The following PARPBP variants were observed in gnomAD, a reference collection of about 807,000 sequenced individuals.
PARPBP encodes the protein PARP1 binding protein, also known as PCNA-interacting partner.
A neutral mutation model predicts 50.0 loss-of-function variants in PARPBP; 52 were observed. The ratio of observed to expected loss-of-function variants is 1.04; its 90% confidence interval spans 0.83 to 1.31. The LOEUF is 1.31. PARPBP is among the 50% of genes most tolerant of loss of function. The pLI is 0.00. For synonymous variants in PARPBP, 244 were observed against 232.1 expected (o/e 1.05, Z -0.47); for missense variants, 697 against 672.0 (o/e 1.04, Z -0.41).
At chr12:102,182,778 G>C (rs564990483) in intron 9 of PARPBP, 151 bp downstream of exon 9, 5 of 645,640 alleles carry the variant, frequency 7.7e-6, no homozygotes, top group East Asian at 5.6e-5. Flanking sequence ...GACAGTTGAC[G>C]TACAGAGACT....
intron 4 of PARPBP, among the ~76,000 whole-genome samples, chr12:102,155,766 G>C (rs939817488): frequency 6.6e-6 from 1 of 152,126 alleles, no homozygotes; most frequent in Admixed American, 6.5e-5. Context: ...CAGAGCTTTT[G>C]CTCCAGTCCA....
chr12:102,151,796 G>C, intron 3 of PARPBP: 2 of 1,534,692 alleles, frequency 1.3e-6, no homozygotes, highest in Non-Finnish European at 1.7e-6. Flanking sequence ...GCTGTCATGC[G>C]GCAAGTGAGA....
rs567860974 is a variant in PARPBP at position 102,197,104 on chromosome 12, A to G, written c.*813A>G. Reference sequence around the variant, plus strand: ...GAAAGCTACAGATCCTTTTAGTGCAAGATAAGGTTTTATAGCCAGATTCAG... The same window carrying G: ...GAAAGCTACAGATCCTTTTAGTGCAGGATAAGGTTTTATAGCCAGATTCAG... On this transcript the variant is annotated 3_prime_UTR_variant, in exon 11 of 11. Transcript: ENST00000327680. 1.9e-6 allele frequency: 3 copies of G among 1,612,190 alleles called. No homozygotes were observed. The highest frequency in any genetic ancestry group is 2.5e-6 in the Non-Finnish European group (3 of 1,178,686).
intron 9 of PARPBP, among the ~76,000 whole-genome samples, chr12:102,185,248 G>C (rs1890199401): frequency 6.6e-6 from 1 of 152,100 alleles, no homozygotes; most frequent in South Asian, 2.1e-4. Flanking sequence ...AAAGGGTGTT[G>C]AATTTTATCA....
chr12:102,127,770 A>G (rs760239622), intron 2 of PARPBP, among the ~76,000 whole-genome samples: 2 of 152,202 alleles, frequency 1.3e-5, no homozygotes, highest in Non-Finnish European at 2.9e-5. Flanking sequence ...TATTGTTAAT[A>G]AAACAGAGCA....
In PARPBP at chr12:102,197,106, A is replaced by G. The variant is rs200644407; in HGVS notation, c.*815A>G. 6.8e-6 allele frequency: 11 copies of G among 1,612,302 alleles called. No homozygotes were observed. Among genetic ancestry groups the G allele is most frequent in the South Asian group, 1.1e-5 (1 of 91,036 alleles). On this transcript the variant is annotated 3_prime_UTR_variant, in exon 11 of 11. Coordinates refer to ENST00000327680, the MANE Select transcript of PARPBP (RefSeq NM_017915.5). ...AAGCTACAGATCCTTTTAGTGCAAG[A>G]TAAGGTTTTATAGCCAGATTCAGTG... is the stretch of plus-strand genomic sequence containing the variant.
chr12:102,139,518 T>C (rs1884213206), intron 2 of PARPBP, among the ~76,000 whole-genome samples: 2 of 152,250 alleles, frequency 1.3e-5, no homozygotes, highest in African/African-American at 2.4e-5. Context: ...TCCAACACTA[T>C]GTTGACTAGG....
chr12:102,171,170 A>G (rs1888684609), intron 6 of PARPBP, among the ~76,000 whole-genome samples: 1 of 151,614 alleles, frequency 6.6e-6, no homozygotes, highest in South Asian at 2.1e-4. Flanking sequence ...TTAAATAAGT[A>G]GAAGGAGTAC....
At chr12:102,130,715 C>T (rs1882715085) in intron 2 of PARPBP, among the ~76,000 whole-genome samples, 1 of 151,378 alleles carries the variant, frequency 6.6e-6, no homozygotes, top group Admixed American at 6.6e-5. Flanking sequence ...ATTAGCCGGG[C>T]ATGGGGGCAG....
At chr12:102,179,115 A>G (rs1269448945) in intron 8 of PARPBP, among the ~76,000 whole-genome samples, 2 of 152,182 alleles carry the variant, frequency 1.3e-5, no homozygotes, top group Non-Finnish European at 2.9e-5. Flanking sequence ...TTAAGTGAAG[A>G]ATTAGAGGCT....
intron 2 of PARPBP, among the ~76,000 whole-genome samples, chr12:102,135,372 A>G (rs1160503967): frequency 1.3e-5 from 2 of 151,924 alleles, no homozygotes; most frequent in African/African-American, 4.8e-5. Flanking sequence ...GTGAAACCCC[A>G]TCTTTACTAA....
At chr12:102,129,823 C>A (rs1882575880) in intron 2 of PARPBP, among the ~76,000 whole-genome samples, 1 of 152,076 alleles carries the variant, frequency 6.6e-6, no homozygotes. Context: ...CTGCCCAAAG[C>A]AATTTATATA....
chr12:102,154,115 A>G, intron 4 of PARPBP, 139 bp downstream of exon 4: 1 of 542,002 alleles, frequency 1.8e-6, no homozygotes, highest in Non-Finnish European at 3.3e-6. Flanking sequence ...GTATTCGCAA[A>G]GAATAATACA....
intron 8 of PARPBP, among the ~76,000 whole-genome samples, chr12:102,180,452 C>T (rs977682567): frequency 1.1e-4 from 17 of 152,114 alleles, no homozygotes; most frequent in African/African-American, 2.7e-4. Context: ...CTAATAATCC[C>T]GGAGCTTTAG....
At chr12:102,168,335 T>G (rs1267079754) in intron 6 of PARPBP, among the ~76,000 whole-genome samples, 2 of 152,148 alleles carry the variant, frequency 1.3e-5, no homozygotes, top group Non-Finnish European at 2.9e-5. Flanking sequence ...GGGAATAGAC[T>G]TCTTCAACTT....
intron 2 of PARPBP, among the ~76,000 whole-genome samples, chr12:102,130,868 A>G (rs116464286): frequency 6.6e-6 from 1 of 151,762 alleles, no homozygotes. Flanking sequence ...AAAAAAAAAA[A>G]CCTAAAAAAA....
chr12:102,158,120 C>CAAAAAAAA (rs55962862), intron 4 of PARPBP, among the ~76,000 whole-genome samples: 3 of 47,988 alleles, frequency 6.3e-5, no homozygotes, highest in Non-Finnish European at 1.2e-4. Context: ...GACTCCATCT[C>CAAAAAAAA]AAAAAAAAAA....
chr12:102,131,019 C>G (rs1455856778), intron 2 of PARPBP, among the ~76,000 whole-genome samples: 1 of 152,034 alleles, frequency 6.6e-6, no homozygotes, highest in Non-Finnish European at 1.5e-5. Context: ...CTCACACCAG[C>G]AGAATGGCTA....
chr12:102,184,055 A>AAAAAAAG (rs1890082925), intron 9 of PARPBP, among the ~76,000 whole-genome samples: 1 of 151,108 alleles, frequency 6.6e-6, no homozygotes, highest in African/African-American at 2.4e-5. Context: ...TGAAAAAAAA[A>AAAAAAAG]AAAAAAAAAA....
Sources: allele counts gnomAD v4.1 joint callset (sites outside exome capture counted in the v4.1 genomes callset), GRCh38; gene constraint gnomAD v4.1.1; transcripts MANE v1.5; gene names NCBI Gene and HGNC (gene_info 2026-07-23, HGNC 2026-07-21).